RNF111: variants seen among roughly 807,000 people sequenced by gnomAD.
RNF111 encodes E3 ubiquitin-protein ligase Arkadia.
In RNF111, 17 loss-of-function variants were observed where a neutral mutation model predicts 95.1. The ratio of observed to expected loss-of-function variants is 0.18; its 90% CI spans 0.12 to 0.27. RNF111 has a LOEUF of 0.27. Ranked by LOEUF, RNF111 falls within the 10% of genes least tolerant of loss-of-function variation. The pLI is 1.00. For synonymous variants in RNF111, 440 were observed against 414.8 expected (o/e 1.06, Z -0.74); for missense variants, 1,189 against 1,210.4 (o/e 0.98, Z 0.26).
rs1030922882 is a variant in RNF111 at position 59,052,549 on chromosome 15, T to C, written c.1007+118T>C. On this transcript the variant is annotated intron_variant, in intron 3 of 13. Coordinates refer to ENST00000348370, the MANE Select transcript of RNF111 (RefSeq NM_017610.8). ...TTATTTTTGAGACCCAGTTTGAGTA[T>C]GCATATATCAGATTAGTGGATTTTT... 2.2e-5 allele frequency: 14 copies of C among 644,622 alleles called. No individual in the cohort carries two copies. In the African/African-American group the frequency reaches 2.5e-4, roughly 11 times the overall value. The allele number at this position is 644,622 out of a possible 1,614,324, so 39.9% of individuals were successfully genotyped here.
At chr15:59,050,292 C>T (rs2041922718) in intron 2 of RNF111, 1 of 152,126 alleles carries the variant, frequency 6.6e-6, no homozygotes, top group African/African-American at 2.4e-5. Context: ...CTTGTAGATT[C>T]CTGTGTCTGT....
intron 4 of RNF111, 114 bp from the exon 5 acceptor site, chr15:59,058,242 T>C: frequency 1.2e-6 from 1 of 809,566 alleles, no homozygotes; most frequent in Non-Finnish European, 1.9e-6. Flanking sequence ...ATTAGAGAGC[T>C]TGTATTTTTA....
Position 59,089,765 on chromosome 15 carries a change from T to G in RNF111, c.2643+6T>G. ...CTTTCAGGGGCAATTTTGAGGTATG[T>G]AATAAAATAAATGAATATGTTTGTC... On this transcript the variant is annotated splice_donor_region_variant and intron_variant, in intron 11 of 13. Coordinates refer to ENST00000348370, the MANE Select transcript of RNF111 (RefSeq NM_017610.8). The G allele has an allele frequency of 8.9e-6, 14 of 1,570,302 alleles. No homozygotes were observed. Among genetic ancestry groups the G allele is most frequent in the African/African-American group, 1.3e-5 (1 of 74,096 alleles).
intron 8 of RNF111, among the ~76,000 whole-genome samples, chr15:59,081,536 A>G (rs1476836032): frequency 6.6e-6 from 1 of 152,078 alleles, no homozygotes; most frequent in Non-Finnish European, 1.5e-5. Context: ...AACAACAAAA[A>G]AAACCATGAA....
chr15:59,029,006 C>G (rs2040767681), intron 1 of RNF111, among the ~76,000 whole-genome samples: 1 of 152,124 alleles, frequency 6.6e-6, no homozygotes, highest in African/African-American at 2.4e-5. Context: ...TCTCGAACTC[C>G]TGGCCTCCAG....
intron 1 of RNF111, among the ~76,000 whole-genome samples, chr15:59,013,714 G>C (rs2039934627): frequency 6.6e-6 from 1 of 152,174 alleles, no homozygotes. Flanking sequence ...GAACGAGGGA[G>C]TGTCCACATA....
intron 2 of RNF111, among the ~76,000 whole-genome samples, chr15:59,036,299 C>T (rs1314759910): frequency 6.6e-6 from 1 of 152,084 alleles, no homozygotes; most frequent in Non-Finnish European, 1.5e-5. Context: ...CTCAAGAGAT[C>T]CGCTGCCCAC....
At chr15:59,080,693 A>G (rs968381251) in intron 7 of RNF111, among the ~76,000 whole-genome samples, 2 of 152,158 alleles carry the variant, frequency 1.3e-5, no homozygotes, top group South Asian at 4.1e-4. Context: ...GTGTGTTCAT[A>G]TAATAGAATG....
In RNF111 at chr15:59,083,608, T is replaced by C. The variant is rs1188691443; in HGVS notation, c.2298-521T>C. ...GTGTTAACTTGTATTACATGTGTTTTGAAAAAAAATGCACAGGGTTAACAT... is the reference window on the plus strand; with the variant it reads ...GTGTTAACTTGTATTACATGTGTTTCGAAAAAAAATGCACAGGGTTAACAT... On this transcript the variant is annotated intron_variant, in intron 8 of 13. Coordinates refer to ENST00000348370, the MANE Select transcript of RNF111 (RefSeq NM_017610.8). Among the ~76,000 whole-genome samples the C allele has an allele frequency of 7.2e-5, 11 of 152,148 alleles. No individual in the cohort carries two copies. The East Asian group carries it at 2.1e-3, about 29-fold the overall frequency.
intron 1 of RNF111, among the ~76,000 whole-genome samples, chr15:58,993,841 T>C (rs1027153872): frequency 7.2e-5 from 11 of 152,106 alleles, no homozygotes; most frequent in African/African-American, 2.7e-4. Context: ...TAGTTTAGTT[T>C]GTATGTGATT....
At chr15:59,030,137 ATTG>A (rs1181166671) in intron 1 of RNF111, among the ~76,000 whole-genome samples, 1 of 152,114 alleles carries the variant, frequency 6.6e-6, no homozygotes, top group Non-Finnish European at 1.5e-5. Context: ...GTTCTGCTGT[ATTG>A]TTTATTTAAC....
At chr15:59,044,524 T>C (rs2041618055) in intron 2 of RNF111, among the ~76,000 whole-genome samples, 1 of 152,180 alleles carries the variant, frequency 6.6e-6, no homozygotes, top group African/African-American at 2.4e-5. Flanking sequence ...TTTGTTATCA[T>C]TGTTGTACTA....
At chr15:59,070,029 CTTTTTTTTTTTTTTTT>C (rs1189748185) in intron 6 of RNF111, among the ~76,000 whole-genome samples, 3 of 22,684 alleles carry the variant, frequency 1.3e-4, no homozygotes, top group African/African-American at 4.7e-4. Flanking sequence ...CCACCTCCTG[CTTTTTTTTTTTTTTTT>C]TTTTTTTTTT....
At chr15:59,087,818 A>G (rs1158467001) in intron 10 of RNF111, among the ~76,000 whole-genome samples, 3 of 152,216 alleles carry the variant, frequency 2.0e-5, no homozygotes, top group Non-Finnish European at 4.4e-5. Flanking sequence ...GGTGAACTGT[A>G]ATATGGTCAG....
At chr15:59,065,854 T>C (rs1274509988) in intron 5 of RNF111, among the ~76,000 whole-genome samples, 1 of 152,014 alleles carries the variant, frequency 6.6e-6, no homozygotes. Flanking sequence ...CTACAAAAAA[T>C]ACAAAAATTA....
rs117256818 is a variant in RNF111, at chr15:59,045,540, A to G, written c.881-6765A>G. 9.7e-3 allele frequency among the ~76,000 whole-genome samples: 1,479 copies of G among 152,290 alleles called. 8 individuals carry two copies. Among genetic ancestry groups the G allele is most frequent in the Admixed American group, 0.016 (247 of 15,298 alleles). ...GTTTTAAAAGAAATTTTGTATACAG[A>G]TAAATGGAGAAAAATCATAAATGAA... On this transcript the variant is annotated intron_variant, in intron 2 of 13. Coordinates refer to ENST00000348370, the MANE Select transcript of RNF111 (RefSeq NM_017610.8).
chr15:59,093,363 C>CCT (rs2079108819), intron 13 of RNF111: 3 of 191,582 alleles, frequency 1.6e-5, no homozygotes, highest in East Asian at 1.6e-4. Flanking sequence ...TTTTTTTTTC[C>CCT]TTTTCTGGGA....
chr15:59,041,961 ATTTTTTTTT>A (rs79347638), intron 2 of RNF111, among the ~76,000 whole-genome samples: 1 of 100,106 alleles, frequency 1.0e-5, no homozygotes, highest in African/African-American at 4.0e-5. Context: ...GTCTGTTCAT[ATTTTTTTTT>A]TTTTTTTTTG....
At chr15:59,021,234 T>C (rs996097830) in intron 1 of RNF111, among the ~76,000 whole-genome samples, 1 of 152,182 alleles carries the variant, frequency 6.6e-6, no homozygotes, top group Non-Finnish European at 1.5e-5. Flanking sequence ...CACTGCAAAC[T>C]CCGCCTCGTG....
Sources: allele counts gnomAD v4.1 joint callset (sites outside exome capture counted in the v4.1 genomes callset), GRCh38; gene constraint gnomAD v4.1.1; transcripts MANE v1.5; gene names NCBI Gene and HGNC (gene_info 2026-07-23, HGNC 2026-07-21).